NTM: variants seen among roughly 807,000 people sequenced by gnomAD.
NTM encodes IgLON family member 2.
Under a neutral mutation model 42.1 loss-of-function variants are expected in NTM, and 13 were observed. The observed-to-expected ratio is 0.31, with a 90% CI of 0.20 to 0.49. NTM has a LOEUF of 0.49. Among genes scored for constraint, NTM ranks in the 20% least tolerant of loss-of-function variants. The pLI is 0.99. For synonymous variants in NTM, 187 were observed against 179.2 expected (o/e 1.04, Z -0.35); for missense variants, 373 against 452.8 (o/e 0.82, Z 1.60).
intron 3 of NTM, among the ~76,000 whole-genome samples, chr11:132,168,376 C>T (rs1401903739): frequency 6.6e-6 from 1 of 152,126 alleles, no homozygotes; most frequent in Admixed American, 6.5e-5. Context: ...GTCCATTTGC[C>T]TCTACTCTAT....
At chr11:131,942,095 G>C (rs1429966142) in intron 2 of NTM, among the ~76,000 whole-genome samples, 1 of 152,140 alleles carries the variant, frequency 6.6e-6, no homozygotes, top group Non-Finnish European at 1.5e-5. Flanking sequence ...GAAAGAAGTT[G>C]TCATATCACA....
At chr11:131,886,801 C>G (rs67037181) in intron 1 of NTM, among the ~76,000 whole-genome samples, 11,617 of 152,246 alleles carry the variant, frequency 0.076, 484 homozygotes, top group East Asian at 0.11. Context: ...GAGGAAGGGA[C>G]GCTGTGTCTC....
intron 2 of NTM, among the ~76,000 whole-genome samples, chr11:132,054,784 G>C (rs1187541941): frequency 1.3e-5 from 2 of 152,184 alleles, no homozygotes; most frequent in East Asian, 3.9e-4. Flanking sequence ...AGGGAGTACT[G>C]GTGGCATTCC....
At chr11:131,899,844 G>A (rs1204912259) in intron 1 of NTM, among the ~76,000 whole-genome samples, 1 of 152,012 alleles carries the variant, frequency 6.6e-6, no homozygotes, top group African/African-American at 2.4e-5. Context: ...CTTATACATC[G>A]TGAATACCAA....
chr11:132,110,624 A>T (rs1218073309), intron 2 of NTM, among the ~76,000 whole-genome samples: 2 of 152,222 alleles, frequency 1.3e-5, no homozygotes, highest in Non-Finnish European at 2.9e-5. Flanking sequence ...TGAAAATTAC[A>T]TTAAAATATA....
intron 2 of NTM, among the ~76,000 whole-genome samples, chr11:132,138,602 C>A: frequency 1.9e-5 from 1 of 53,706 alleles, no homozygotes; most frequent in African/African-American, 5.2e-5. Flanking sequence ...ATCTATCTAT[C>A]TATCTATCTA....
intron 1 of NTM, among the ~76,000 whole-genome samples, chr11:131,570,843 AAAT>A (rs2057378360): frequency 6.6e-6 from 1 of 152,250 alleles, no homozygotes; most frequent in Non-Finnish European, 1.5e-5. Context: ...AATAAATACA[AAAT>A]AATAAAAATT....
rs371565373 is a variant in NTM, at chr11:131,569,574, C to CTT, written c.82+198702_82+198703dup. Among the ~76,000 whole-genome samples the CTT allele has an allele frequency of 0.011, 1,469 of 130,846 alleles. 65 individuals carry two copies. In the East Asian group the frequency reaches 0.13, roughly 12 times the overall value. 85.8% of individuals were successfully genotyped at this position (130,846 alleles called of 152,430 possible). On this transcript the variant is annotated intron_variant, in intron 1 of 8. Transcript: ENST00000683400. ...CTTAACTTTTCTTTTTTTCTTCTCT[C>CTT]TTTTTTTTTTTTTTTTTCTTTGATA...
chr11:131,473,075 T>C (rs1244981774), intron 1 of NTM, among the ~76,000 whole-genome samples: 1 of 152,202 alleles, frequency 6.6e-6, no homozygotes, highest in Non-Finnish European at 1.5e-5. Flanking sequence ...TTTTCTAGGC[T>C]TTGTTCAGAA....
intron 1 of NTM, among the ~76,000 whole-genome samples, chr11:131,377,550 A>G (rs998653078): frequency 6.6e-6 from 1 of 152,228 alleles, no homozygotes; most frequent in Non-Finnish European, 1.5e-5. Context: ...AACCTCCTCT[A>G]TGAGAACCCT....
intron 1 of NTM, among the ~76,000 whole-genome samples, chr11:131,410,818 A>C (rs1458234535): frequency 1.3e-5 from 2 of 152,146 alleles, no homozygotes; most frequent in South Asian, 2.1e-4. Context: ...AACATGTGGG[A>C]GTTATTTATA....
At chr11:131,466,230 G>A (rs1456248919) in intron 1 of NTM, among the ~76,000 whole-genome samples, 2 of 152,322 alleles carry the variant, frequency 1.3e-5, no homozygotes, top group African/African-American at 2.4e-5. Context: ...GTGGGAAGAC[G>A]GAGAAGGAGA....
At chr11:132,314,241 G>A (rs1194572389) in intron 6 of NTM, among the ~76,000 whole-genome samples, 1 of 152,196 alleles carries the variant, frequency 6.6e-6, no homozygotes. Flanking sequence ...TGCTCTGAAT[G>A]CCACACAGCT....
At position 131,562,118 on chromosome 11, in the gene NTM, C is replaced by T. The variant is rs150930962; in HGVS notation, c.82+191230C>T. On this transcript the variant is annotated intron_variant, in intron 1 of 8. Coordinates refer to ENST00000683400, the MANE Select transcript of NTM (RefSeq NM_001352005.2). ...CCAACTGGTGCTGGGAAGCAGGCCA[C>T]GCACTGAAGCAGGGCAGAGAGAAGG... Among the ~76,000 whole-genome samples, 698 of 152,242 alleles carry T rather than the reference C, an allele frequency of 4.6e-3. 3 individuals are homozygous for T. Among genetic ancestry groups the T allele is most frequent in the Non-Finnish European group, 8.5e-3 (577 of 68,028 alleles).
intron 2 of NTM, among the ~76,000 whole-genome samples, chr11:132,142,634 G>A (rs1055079306): frequency 2.0e-5 from 3 of 152,156 alleles, no homozygotes; most frequent in South Asian, 2.1e-4. Context: ...TGCAGAAGCC[G>A]GCATTCATTC....
At chr11:131,769,780 G>A (rs867619652) in intron 1 of NTM, 3 of 154,130 alleles carry the variant, frequency 1.9e-5, no homozygotes, top group African/African-American at 7.2e-5. Flanking sequence ...TTGAGGGAAG[G>A]CTTGAGGAGA....
chr11:131,689,311 T>C (rs1298360555), intron 1 of NTM, among the ~76,000 whole-genome samples: 1 of 152,192 alleles, frequency 6.6e-6, no homozygotes, highest in Non-Finnish European at 1.5e-5. Flanking sequence ...CACCCAGTAT[T>C]GCCCAGCCCC....
At chr11:131,870,901 G>A (rs1001469690) in intron 1 of NTM, among the ~76,000 whole-genome samples, 1 of 152,076 alleles carries the variant, frequency 6.6e-6, no homozygotes, top group African/African-American at 2.4e-5. Context: ...TTAAAAAATA[G>A]TCCTATTTCA....
intron 8 of NTM, among the ~76,000 whole-genome samples, chr11:132,333,053 T>A (rs536226938): frequency 6.6e-6 from 1 of 152,128 alleles, no homozygotes; most frequent in East Asian, 1.9e-4. Context: ...GGCAGAGCAG[T>A]GTGCTGACAG....
Sources: gnomAD v4.1 joint callset for allele counts (sites outside exome capture counted in the v4.1 genomes callset) on GRCh38, gnomAD v4.1.1 for gene constraint, MANE v1.5 for transcripts, NCBI Gene and HGNC (gene_info 2026-07-23, HGNC 2026-07-21) for gene names.